TMEM216: variants seen among roughly 807,000 people sequenced by gnomAD.
The protein encoded by TMEM216 is cerebello-oculo-renal syndrome 2.
TMEM216 carries 15 observed loss-of-function variants against 17.8 expected under a neutral mutation model. The ratio of observed to expected loss-of-function variants is 0.84; its 90% CI spans 0.56 to 1.30. TMEM216 has a LOEUF of 1.30. TMEM216 is among the 50% of genes most tolerant of loss of function. The probability of loss-of-function intolerance (pLI) is 0.00; values close to 1 mark genes in which losing one functional copy is unlikely to be tolerated. For missense variants in TMEM216, 160 were observed against 175.7 expected, an observed-to-expected ratio of 0.91 and a Z score of 0.51; for synonymous variants, 58 against 73.5, an observed-to-expected ratio of 0.79 and a Z score of 1.08.
At chr11:61,392,948 AGAGT>A in intron 1 of TMEM216, 4 of 894,542 alleles carry the variant, frequency 4.5e-6, no homozygotes, top group Non-Finnish European at 5.4e-6. Flanking sequence ...AAATAGTGAC[AGAGT>A]GAGATCTTTG....
chr11:61,395,714 G>A (rs1488349302), intron 3 of TMEM216, among the ~76,000 whole-genome samples: 15 of 145,434 alleles, frequency 1.0e-4, no homozygotes, highest in Admixed American at 7.4e-4. Flanking sequence ...TAGCCTGGGC[G>A]ACAAAGTGAG....
At position 61,392,604 on chromosome 11, in the gene TMEM216, G is replaced by T. The variant is rs369060712; in HGVS notation, c.-28G>T. On this transcript the variant is annotated 5_prime_UTR_variant, in exon 1 of 5. Transcript: ENST00000515837. Reference sequence around the variant, plus strand: ...TCGTCCCTGTTTCCGGCAGCGCCGCGCTGCTCCGGGAGCCGCTGTGGCAGC... The same window carrying T: ...TCGTCCCTGTTTCCGGCAGCGCCGCTCTGCTCCGGGAGCCGCTGTGGCAGC... 1.2e-5 allele frequency: 19 copies of T among 1,535,156 alleles called. No individual in the cohort carries two copies. Among genetic ancestry groups the T allele is most frequent in the African/African-American group, 5.5e-5 (4 of 73,112 alleles).
chr11:61,398,235 T>G (rs1359750458), intron 4 of TMEM216, 35 bp from the exon 5 acceptor site: 1 of 1,577,266 alleles, frequency 6.3e-7, no homozygotes. Context: ...ACTGGTCTTT[T>G]AACATTTTCT....
At chr11:61,397,369 G>A (rs1369439338) in intron 3 of TMEM216, among the ~76,000 whole-genome samples, 13 of 151,880 alleles carry the variant, frequency 8.6e-5, no homozygotes, top group African/African-American at 2.2e-4. Context: ...GGGTTTCACC[G>A]TGTTAGCCAG....
chr11:61,394,827 C>T (rs987222519), intron 3 of TMEM216, among the ~76,000 whole-genome samples: 22 of 151,300 alleles, frequency 1.5e-4, no homozygotes, highest in South Asian at 4.2e-4. Flanking sequence ...CCACCATGCC[C>T]GGCAAGTTTT....
At position 61,393,873 on chromosome 11, in the gene TMEM216, T is replaced by C. The variant is rs746269193; in HGVS notation, c.137-11T>C. On this transcript the variant is annotated splice_polypyrimidine_tract_variant and intron_variant, in intron 2 of 4. Coordinates refer to ENST00000515837, the MANE Select transcript of TMEM216 (RefSeq NM_001173990.3). ...TATGCTGTTTGCAAACTCTGGCTTT[T>C]GTATTGGCAGGTGTCCTGCTACCAT... The C allele has an allele frequency of 4.3e-6, 7 of 1,612,080 alleles. No homozygotes were observed. The Admixed American group carries it at 1.2e-4, about 27-fold the overall frequency.
Position 61,397,793 on chromosome 11 carries a change from C to T in TMEM216, c.249C>T (p.Cys83=). The change falls in exon 4 of 5, where the codon TGC becomes TGT. Residue 83 remains cysteine (C), a synonymous_variant. Coordinates refer to ENST00000515837, the MANE Select transcript of TMEM216 (RefSeq NM_001173990.3). ...RLFFGTKGNL[C]QRKMPLSISV... The stretch of plus-strand genomic sequence containing the variant: ...TGACAGGTACAAAGGGAAACCTCTG[C>T]CAGCGAAAGATGCCGCTCAGTATTA... 1.2e-6 allele frequency: 2 copies of T among 1,613,368 alleles called. No individual in the cohort carries two copies. The highest frequency in any genetic ancestry group is 1.7e-6 in the Non-Finnish European group (2 of 1,179,856).
intron 3 of TMEM216, chr11:61,394,313 G>A: frequency 4.1e-6 from 1 of 242,034 alleles, no homozygotes; most frequent in Non-Finnish European, 8.1e-6. Context: ...AGTGTATCCT[G>A]TACAGATCAG....
chr11:61,392,629 C>G lies in TMEM216; in HGVS notation c.-3C>G. The G allele has an allele frequency of 6.5e-7, 1 of 1,535,310 alleles. No individual in the cohort carries two copies. Among genetic ancestry groups the G allele is most frequent in the African/African-American group, 1.4e-5 (1 of 73,140 alleles). On this transcript the variant is annotated 5_prime_UTR_variant, in exon 1 of 5. Transcript: ENST00000515837. ...GCTGCTCCGGGAGCCGCTGTGGCAG[C>G]GTATGCTGCCACGGGGACTGAAGAT...
intron 2 of TMEM216, 66 bp from the exon 3 acceptor site, chr11:61,393,818 A>G: frequency 7.9e-7 from 1 of 1,270,048 alleles, no homozygotes. Flanking sequence ...TTTTTTCCCA[A>G]GTGTGTGGCA....
chr11:61,394,375 G>GT (rs1458973355), intron 3 of TMEM216: 2,623 of 148,028 alleles, frequency 0.018, 45 homozygotes, highest in African/African-American at 0.044. Flanking sequence ...GGAGTTTTTT[G>GT]TTTTTTTTTT....
rs769464447 is a variant in TMEM216 at position 61,398,595 on chromosome 11, C to T, written c.*319C>T. On this transcript the variant is annotated 3_prime_UTR_variant, in exon 5 of 5. Transcript: ENST00000515837. ...CTTGATCACCGTGGCCAGAGCATCT[C>T]GTGTGGACCATCTAGGCTCCTTGGG... is the stretch of plus-strand genomic sequence containing the variant. The T allele has an allele frequency of 1.8e-5, 7 of 388,402 alleles. No homozygotes were observed. Among genetic ancestry groups the T allele is most frequent in the South Asian group, 8.9e-5 (2 of 22,378 alleles). 24.1% of individuals were successfully genotyped at this position (388,402 alleles called of 1,614,324 possible).
Position 61,398,487 on chromosome 11 carries a change from A to G in TMEM216, c.*211A>G, listed in dbSNP as rs1230568696. 1 of 598,468 alleles carries G rather than the reference A, an allele frequency of 1.7e-6. No individual in the cohort carries two copies. Among genetic ancestry groups the G allele is most frequent in the African/African-American group, 1.8e-5 (1 of 54,058 alleles). The allele number at this position is 598,468 out of a possible 1,614,324, so 37.1% of individuals were successfully genotyped here. On this transcript the variant is annotated 3_prime_UTR_variant, in exon 5 of 5. Coordinates refer to ENST00000515837, the MANE Select transcript of TMEM216 (RefSeq NM_001173990.3). ...GACCATCAGCCCAAGAGACTCTTCT[A>G]CACTCCAGTATAGGGAGGGGCAAGG...
chr11:61,392,796 C>T (rs1858703690), intron 1 of TMEM216, 131 bp downstream of exon 1: 3 of 1,520,046 alleles, frequency 2.0e-6, no homozygotes, highest in Non-Finnish European at 1.8e-6. Context: ...TGGTCCAAAG[C>T]CGGCTTCCGC....
Position 61,393,253 on chromosome 11 carries a change from G to C in TMEM216, c.57G>C (p.Pro19=). The change falls in exon 2 of 5, where the codon CCG becomes CCC. Residue 19 remains proline (P), a synonymous_variant. Transcript: ENST00000515837. ...CAGGTAAACGGTTGTCCTCCACCCC[G>C]CTGGAAATCCTGTTCTTTCTGAACG... ...APRGKRLSST[P]LEILFFLNGW... The C allele has an allele frequency of 2.0e-6, 3 of 1,535,690 alleles. No individual in the cohort carries two copies. The highest frequency in any genetic ancestry group is 1.7e-6 in the Non-Finnish European group (2 of 1,146,714).
chr11:61,392,790 C>A, intron 1 of TMEM216, 125 bp downstream of exon 1: 1 of 1,522,342 alleles, frequency 6.6e-7, no homozygotes, highest in Non-Finnish European at 8.8e-7. Flanking sequence ...CCTCCCTGGT[C>A]CAAAGCCGGC....
At chr11:61,398,154 A>C in intron 4 of TMEM216, 116 bp from the exon 5 acceptor site, 1 of 1,435,042 alleles carries the variant, frequency 7.0e-7, no homozygotes, top group South Asian at 1.2e-5. Context: ...CACTCAGGGA[A>C]GATACTCTCC....
At chr11:61,394,070 A>G in intron 3 of TMEM216, 94 bp downstream of exon 3, 1 of 1,137,520 alleles carries the variant, frequency 8.8e-7, no homozygotes, top group Non-Finnish European at 1.3e-6. Context: ...TAGGTTGACT[A>G]TCATAGACTG....
chr11:61,392,610 C>G lies in TMEM216; in HGVS notation c.-22C>G, dbSNP rs1224291912. The G allele has an allele frequency of 8.5e-6, 13 of 1,535,540 alleles. No homozygotes were observed. The South Asian group carries it at 1.3e-4, about 15-fold the overall frequency. ...CTGTTTCCGGCAGCGCCGCGCTGCTCCGGGAGCCGCTGTGGCAGCGTATGC... is the reference window on the plus strand; with the variant it reads ...CTGTTTCCGGCAGCGCCGCGCTGCTGCGGGAGCCGCTGTGGCAGCGTATGC... On this transcript the variant is annotated 5_prime_UTR_variant, in exon 1 of 5. Coordinates refer to ENST00000515837, the MANE Select transcript of TMEM216 (RefSeq NM_001173990.3).
Sources: allele counts gnomAD v4.1 joint callset (sites outside exome capture counted in the v4.1 genomes callset), GRCh38; gene constraint gnomAD v4.1.1; transcripts MANE v1.5; gene names NCBI Gene and HGNC (gene_info 2026-07-23, HGNC 2026-07-21).